Variants in GPR63 observed in about 807,000 individuals in gnomAD.
GPR63 encodes G protein-coupled receptor 63.
GPR63 carries 12 observed loss-of-function variants against 23.1 expected under a neutral mutation model. That is an observed-to-expected ratio of 0.52 (90% CI 0.33 to 0.84). GPR63 has a LOEUF of 0.84. GPR63 is among the 40% of genes least tolerant of loss of function. The probability of loss-of-function intolerance (pLI) is 0.02; values close to 1 mark genes in which losing one functional copy is unlikely to be tolerated. For synonymous variants in GPR63, 172 were observed against 191.1 expected (o/e 0.90, Z 0.82); for missense variants, 472 against 515.6 (o/e 0.92, Z 0.82).
intron 1 of GPR63, among the ~76,000 whole-genome samples, chr6:96,809,488 C>T (rs1773985515): frequency 6.6e-6 from 1 of 152,000 alleles, no homozygotes; most frequent in Non-Finnish European, 1.5e-5. Flanking sequence ...TAGATATATG[C>T]ATGTATCTAT....
At chr6:96,824,217 C>T (rs1774380248) in intron 1 of GPR63, among the ~76,000 whole-genome samples, 2 of 151,966 alleles carry the variant, frequency 1.3e-5, no homozygotes, top group African/African-American at 4.8e-5. Context: ...AGACCAAAAA[C>T]AGATGTCTTT....
chr6:96,823,785 A>T (rs1299179164), intron 1 of GPR63, among the ~76,000 whole-genome samples: 1 of 152,032 alleles, frequency 6.6e-6, no homozygotes, highest in East Asian at 1.9e-4. Flanking sequence ...TTTTTACTGT[A>T]CCTACGTTTA....
At chr6:96,823,705 T>C (rs2127957301) in intron 1 of GPR63, among the ~76,000 whole-genome samples, 1 of 152,230 alleles carries the variant, frequency 6.6e-6, no homozygotes, top group African/African-American at 2.4e-5. Flanking sequence ...CAGAGTAATC[T>C]TCCATCCTGC....
chr6:96,836,040 T>C (rs1298068075), intron 1 of GPR63, among the ~76,000 whole-genome samples: 2 of 152,144 alleles, frequency 1.3e-5, no homozygotes, highest in Non-Finnish European at 2.9e-5. Context: ...ATTTTGGCTA[T>C]GCAACATTTT....
intron 1 of GPR63, among the ~76,000 whole-genome samples, chr6:96,833,819 G>A (rs1352986522): frequency 4.2e-5 from 5 of 120,368 alleles, no homozygotes; most frequent in Non-Finnish European, 1.7e-5. Flanking sequence ...ATCTGGCTGG[G>A]GGTTTTTCTA....
chr6:96,818,473 A>T (rs934583893), intron 1 of GPR63, among the ~76,000 whole-genome samples: 1 of 152,166 alleles, frequency 6.6e-6, no homozygotes, highest in African/African-American at 2.4e-5. Flanking sequence ...CAAAAAAAAA[A>T]AATTTTCATG....
chr6:96,832,349 C>T (rs1219759026), intron 1 of GPR63, among the ~76,000 whole-genome samples: 2 of 152,030 alleles, frequency 1.3e-5, no homozygotes, highest in African/African-American at 4.8e-5. Flanking sequence ...ACTGCAGCCT[C>T]AACCTCCAGG....
intron 1 of GPR63, among the ~76,000 whole-genome samples, chr6:96,829,919 G>A (rs184840906): frequency 1.2e-4 from 18 of 151,936 alleles, no homozygotes; most frequent in Admixed American, 1.0e-3. Flanking sequence ...AGCAACTTTC[G>A]GCTTTGCTGA....
chr6:96,800,193 T>C (rs1483657115), intron 1 of GPR63, among the ~76,000 whole-genome samples: 1 of 152,256 alleles, frequency 6.6e-6, no homozygotes, highest in Non-Finnish European at 1.5e-5. Context: ...CCTTTAATTT[T>C]AATTAAATGT....
At chr6:96,817,257 T>C (rs939126539) in intron 1 of GPR63, among the ~76,000 whole-genome samples, 1 of 152,082 alleles carries the variant, frequency 6.6e-6, no homozygotes, top group Admixed American at 6.6e-5. Context: ...CCACAACATA[T>C]GTAAACATGT....
In GPR63 at chr6:96,798,637, T is replaced by C; in HGVS notation, c.1095A>G (p.Ala365=). Residue 365 remains alanine, a synonymous_variant, in exon 2 of 2, where the codon GCA becomes GCG. Coordinates refer to ENST00000229955, the MANE Select transcript of GPR63 (RefSeq NM_030784.4). ...TCCAGTAGTAGATCAGCGGATTCAA[T>C]GCAGACTTGAGGTAGCAGAGCCACA... ...WLLWLCYLKS[A]LNPLIYYWRI... 1 of 1,614,234 alleles carries C rather than the reference T, an allele frequency of 6.2e-7. No individual in the cohort carries two copies. The highest frequency in any genetic ancestry group is 8.5e-7 in the Non-Finnish European group (1 of 1,180,040).
intron 1 of GPR63, among the ~76,000 whole-genome samples, chr6:96,800,819 T>A (rs12525976): frequency 1.3e-5 from 2 of 152,024 alleles, no homozygotes; most frequent in Admixed American, 1.3e-4. Context: ...ATAACAAAGA[T>A]AGAGATGTTA....
chr6:96,834,586 G>C (rs1774674540), intron 1 of GPR63, among the ~76,000 whole-genome samples: 1 of 149,360 alleles, frequency 6.7e-6, no homozygotes, highest in Non-Finnish European at 1.5e-5. Context: ...AAAGGAAAAA[G>C]TGCCACCTGC....
At chr6:96,810,490 G>A (rs1362505933) in intron 1 of GPR63, among the ~76,000 whole-genome samples, 4 of 134,810 alleles carry the variant, frequency 3.0e-5, no homozygotes, top group African/African-American at 5.6e-5. Context: ...GCGAGACTCC[G>A]TCCCAGGAAA....
chr6:96,822,836 A>G (rs2127956835), intron 1 of GPR63, among the ~76,000 whole-genome samples: 1 of 152,334 alleles, frequency 6.6e-6, no homozygotes, highest in Non-Finnish European at 1.5e-5. Context: ...ATGCTACAAG[A>G]GTGAAAAACA....
intron 1 of GPR63, among the ~76,000 whole-genome samples, chr6:96,828,773 A>T (rs535288820): frequency 6.6e-6 from 1 of 152,194 alleles, no homozygotes; most frequent in Non-Finnish European, 1.5e-5. Flanking sequence ...CACATCTAAA[A>T]TCATAAGGAT....
intron 1 of GPR63, among the ~76,000 whole-genome samples, chr6:96,815,510 A>G (rs968393527): frequency 6.6e-6 from 1 of 152,210 alleles, no homozygotes; most frequent in Non-Finnish European, 1.5e-5. Flanking sequence ...ACAACACAGT[A>G]CCTGTATTAA....
At chr6:96,820,089 T>A (rs760622892) in intron 1 of GPR63, among the ~76,000 whole-genome samples, 1 of 151,874 alleles carries the variant, frequency 6.6e-6, no homozygotes, top group African/African-American at 2.4e-5. Flanking sequence ...GTAAAATGAG[T>A]AGTTTTCTTA....
intron 1 of GPR63, among the ~76,000 whole-genome samples, chr6:96,828,941 G>A (rs894743932): frequency 5.9e-5 from 9 of 151,992 alleles, no homozygotes; most frequent in African/African-American, 2.2e-4. Context: ...TGACAAAAGG[G>A]TTAATTTCCC....
Sources: gnomAD v4.1 joint callset for allele counts (sites outside exome capture counted in the v4.1 genomes callset) on GRCh38, gnomAD v4.1.1 for gene constraint, MANE v1.5 for transcripts, NCBI Gene and HGNC (gene_info 2026-07-23, HGNC 2026-07-21) for gene names.